The following SLC26A11 variants were observed in gnomAD, a reference collection of about 807,000 sequenced individuals.
SLC26A11 encodes the protein solute carrier family 26 member 11.
Under a neutral mutation model 62.2 loss-of-function variants are expected in SLC26A11, and 58 were observed. That is an observed-to-expected ratio of 0.93 (90% CI 0.76 to 1.16). SLC26A11 has a LOEUF of 1.16. Ranked by LOEUF, SLC26A11 falls within the 50% of genes most tolerant of loss-of-function variation. The probability of loss-of-function intolerance (pLI) is 0.00; values close to 1 mark genes in which losing one functional copy is unlikely to be tolerated. For missense variants in SLC26A11, 790 were observed against 794.3 expected, an observed-to-expected ratio of 0.99 and a Z score of 0.06; for synonymous variants, 411 against 368.9, an observed-to-expected ratio of 1.11 and a Z score of -1.31.
rs752563735 is a variant in SLC26A11, at chr17:80,227,941, G to A, written c.717G>A (p.Leu239=). The change falls in exon 7 of 18, where the codon CTG becomes CTA. Residue 239 remains leucine, a synonymous_variant. Transcript: ENST00000361193. ...CTGGTGTGCGGCTCAGCCGTGGGCT[G>A]GTCTGGGCTGCCACGACAGGTGAGG... is the stretch of plus-strand genomic sequence containing the variant. The part of the protein sequence containing the change: ...MPPGVRLSRG[L]VWAATTARNA... 1 of 1,600,380 alleles carries A rather than the reference G, an allele frequency of 6.2e-7. No individual in the cohort carries two copies. Among genetic ancestry groups the A allele is most frequent in the Non-Finnish European group, 8.5e-7 (1 of 1,179,792 alleles).
chr17:80,237,543 G>T lies in SLC26A11; in HGVS notation c.934G>T (p.Val312Leu). The stretch of plus-strand genomic sequence containing the variant: ...TCAGGACATGGGAGCCGGGCTGGCC[G>T]TGGTGCCCCTGATGGGCCTCCTGGA... Reference protein sequence around the residue: ...MVQDMGAGLAVVPLMGLLESI... With the variant: ...MVQDMGAGLALVPLMGLLESI... Residue 312 changes from valine to leucine, a missense_variant, in exon 9 of 18, where the codon GTG becomes TTG. Physicochemically the swap from Val to Leu is conservative, Grantham distance 32. Coordinates refer to ENST00000361193, the MANE Select transcript of SLC26A11 (RefSeq NM_001166347.2). 2 of 1,611,638 alleles carry T rather than the reference G, an allele frequency of 1.2e-6. No individual in the cohort carries two copies. The highest frequency in any genetic ancestry group is 1.7e-6 in the Non-Finnish European group (2 of 1,179,142).
rs960123986 is a variant in SLC26A11, at chr17:80,224,294, T to A, written c.513+957T>A. 1.2e-3 allele frequency among the ~76,000 whole-genome samples: 73 copies of A among 61,280 alleles called. 1 individual carries two copies. Among genetic ancestry groups the A allele is most frequent in the South Asian group, 4.5e-3 (7 of 1,542 alleles). The allele number at this position is 61,280 out of a possible 152,430, so 40.2% of individuals were successfully genotyped here. On this transcript the variant is annotated intron_variant, in intron 5 of 17. Coordinates refer to ENST00000361193, the MANE Select transcript of SLC26A11 (RefSeq NM_001166347.2). ...GTGAGTGAGTGCGTGTGTGAGTGAG[T>A]GTGCGTGTGTGTGTGAGAGAGTGTG...
intron 6 of SLC26A11, among the ~76,000 whole-genome samples, chr17:80,226,300 A>ACAGGGCGTGGGGAGCTAACC (rs1424906214): frequency 6.6e-6 from 1 of 152,182 alleles, no homozygotes; most frequent in African/African-American, 2.4e-5. Context: ...GGAGGAGAAC[A>ACAGGGCGTGGGGAGCTAACC]CAGGGCGTGG....
rs1340093403 is a variant in SLC26A11 at position 80,246,618 on chromosome 17, CA to C, written c.1265del (p.Lys422ArgfsTer19). On this transcript the variant is annotated frameshift_variant, in exon 13 of 18. Transcript: ENST00000361193. LOFTEE classifies it high-confidence loss of function. The surrounding 1 kb of genome is among the most constrained non-coding windows in gnomAD (Gnocchi z 4.4). ...TGGCCGTGGCCCCGCTGTTCGACACCAAGATCTTCAGGACGCTCTGGCGTGT... is the reference window on the plus strand; with the variant it reads ...TGGCCGTGGCCCCGCTGTTCGACACCAGATCTTCAGGACGCTCTGGCGTGT... ...IMAVAPLFDTKIFRTLWRVKR... is the reference protein window; with the variant it reads ...IMAVAPLFDTXIFRTLWRVKR... The C allele has an allele frequency of 4.3e-6, 7 of 1,613,968 alleles. No homozygotes were observed. The highest frequency in any genetic ancestry group is 5.9e-6 in the Non-Finnish European group (7 of 1,179,994).
intron 15 of SLC26A11, 124 bp from the exon 16 acceptor site, chr17:80,249,030 C>T (rs568785091): frequency 1.1e-5 from 14 of 1,251,520 alleles, no homozygotes; most frequent in Admixed American, 2.8e-5. Context: ...GCGACTCAGC[C>T]GCCACGAGAT....
At chr17:80,221,847 A>G in intron 3 of SLC26A11, 53 bp downstream of exon 3, 1 of 1,524,270 alleles carries the variant, frequency 6.6e-7, no homozygotes, top group Non-Finnish European at 8.9e-7. Context: ...TGCAGAATAC[A>G]CAGTATCAAT....
At chr17:80,224,215 G>GTGTA (rs2042309059) in intron 5 of SLC26A11, among the ~76,000 whole-genome samples, 2 of 151,488 alleles carry the variant, frequency 1.3e-5, no homozygotes, top group African/African-American at 4.9e-5. Flanking sequence ...GTGTGAATGA[G>GTGTA]TGAGTGTGTG....
chr17:80,233,990 TA>T (rs1276845445), intron 7 of SLC26A11, among the ~76,000 whole-genome samples: 1 of 151,956 alleles, frequency 6.6e-6, no homozygotes. Context: ...CAGTACTTTT[TA>T]AAAAAAAGTT....
intron 7 of SLC26A11, among the ~76,000 whole-genome samples, chr17:80,234,078 C>T (rs540711537): frequency 9.2e-5 from 14 of 152,202 alleles, no homozygotes; most frequent in African/African-American, 3.1e-4. Context: ...GATCTTGGCT[C>T]ACTGCAATCT....
At chr17:80,224,322 T>A (rs1007937657) in intron 5 of SLC26A11, among the ~76,000 whole-genome samples, 50 of 143,386 alleles carry the variant, frequency 3.5e-4, no homozygotes, top group Middle Eastern at 7.3e-3. Context: ...AGAGTGTGAG[T>A]GTGTATGAGT....
rs61009710 is a variant in SLC26A11 at position 80,222,375 on chromosome 17, CAA to C, written c.235-266_235-265del. On this transcript the variant is annotated intron_variant, in intron 3 of 17. Coordinates refer to ENST00000361193, the MANE Select transcript of SLC26A11 (RefSeq NM_001166347.2). The surrounding 1 kb of genome is among the most constrained non-coding windows in gnomAD (Gnocchi z 4.7). Reference sequence around the variant, plus strand: ...TGGGCGACAGAGCGAGACTCCATCTCAAAAAAAAAAAAAAAGAATGCTTCCTC... The same window carrying C: ...TGGGCGACAGAGCGAGACTCCATCTCAAAAAAAAAAAAAGAATGCTTCCTC... 2,328 of 242,510 alleles carry C rather than the reference CAA, an allele frequency of 9.6e-3. No individual in the cohort carries two copies. The highest frequency in any genetic ancestry group is 0.015 in the South Asian group (131 of 8,672). The allele number at this position is 242,510 out of a possible 1,614,324, so 15.0% of individuals were successfully genotyped here.
intron 5 of SLC26A11, among the ~76,000 whole-genome samples, chr17:80,224,981 C>T (rs1450608001): frequency 6.6e-6 from 1 of 152,010 alleles, no homozygotes; most frequent in Non-Finnish European, 1.5e-5. Context: ...GGTCCTTGAG[C>T]CTGTGGCCAT....
At chr17:80,240,510 A>C (rs1232447687) in intron 9 of SLC26A11, among the ~76,000 whole-genome samples, 1 of 150,962 alleles carries the variant, frequency 6.6e-6, no homozygotes, top group Non-Finnish European at 1.5e-5. Context: ...CCAGTTTAAA[A>C]TGTTTTTCTC....
intron 7 of SLC26A11, among the ~76,000 whole-genome samples, chr17:80,236,324 C>A (rs1293797253): frequency 1.3e-5 from 2 of 152,216 alleles, no homozygotes; most frequent in African/African-American, 2.4e-5. Flanking sequence ...TGTGACCTTG[C>A]GGTCAGCTCC....
chr17:80,226,267 T>A (rs2042407783), intron 6 of SLC26A11, among the ~76,000 whole-genome samples: 1 of 151,984 alleles, frequency 6.6e-6, no homozygotes, highest in Non-Finnish European at 1.5e-5. Context: ...GCAGTGTGTC[T>A]CCCCCAGGCT....
chr17:80,245,571 C>T (rs983275448), intron 11 of SLC26A11, among the ~76,000 whole-genome samples: 16 of 152,100 alleles, frequency 1.1e-4, no homozygotes, highest in African/African-American at 3.4e-4. Context: ...GAGTTGTGAC[C>T]GCACCGCTGC....
chr17:80,224,180 AGAGTGTGTAT>A (rs1349976213), intron 5 of SLC26A11, among the ~76,000 whole-genome samples: 1 of 139,494 alleles, frequency 7.2e-6, no homozygotes, highest in Admixed American at 7.9e-5. Flanking sequence ...AGTGTGTGTG[AGAGTGTGTAT>A]GAGTGTGTGT....
chr17:80,250,563 C>T (rs2043129073), intron 16 of SLC26A11, among the ~76,000 whole-genome samples: 1 of 152,222 alleles, frequency 6.6e-6, no homozygotes, highest in Non-Finnish European at 1.5e-5. Context: ...CTGACCCAGA[C>T]ATGGTGGCTC....
At chr17:80,232,260 CT>C (rs879936665) in intron 7 of SLC26A11, among the ~76,000 whole-genome samples, 109 of 145,988 alleles carry the variant, frequency 7.5e-4, no homozygotes, top group Middle Eastern at 3.6e-3. Context: ...CATCTTTTTA[CT>C]TTTTTTTTTT....
Sources: gnomAD v4.1 joint callset for allele counts (sites outside exome capture counted in the v4.1 genomes callset) on GRCh38, gnomAD v4.1.1 for gene constraint, Gnocchi (gnomAD v3.1) non-coding constraint, MANE v1.5 for transcripts, NCBI Gene and HGNC (gene_info 2026-07-23, HGNC 2026-07-21) for gene names.